Variants in BOP1 observed in about 807,000 individuals in gnomAD.
BOP1 encodes ribosome biogenesis protein BOP1.
A neutral mutation model predicts 82.9 loss-of-function variants in BOP1; 54 were observed. The ratio of observed to expected loss-of-function variants is 0.65; its 90% CI spans 0.52 to 0.82. BOP1 has a LOEUF of 0.82. Ranked by LOEUF, BOP1 falls within the 40% of genes least tolerant of loss-of-function variation. The probability of loss-of-function intolerance (pLI) is 0.00; values close to 1 mark genes in which losing one functional copy is unlikely to be tolerated. For missense variants in BOP1, 1,170 were observed against 1,072.0 expected, an observed-to-expected ratio of 1.09 and a Z score of -1.28; for synonymous variants, 566 against 451.1, an observed-to-expected ratio of 1.25 and a Z score of -3.23.
chr8:144,270,565 C>G (rs1244869819), intron 3 of BOP1, among the ~76,000 whole-genome samples: 1 of 152,100 alleles, frequency 6.6e-6, no homozygotes, highest in African/African-American at 2.4e-5. Flanking sequence ...GCCGAGGGCC[C>G]GGCCCGCCAG....
chr8:144,276,093 C>A (rs1845564026), intron 3 of BOP1, 131 bp downstream of exon 3: 1 of 1,084,228 alleles, frequency 9.2e-7, no homozygotes, highest in Non-Finnish European at 1.4e-6. Context: ...TGGGCCTCGG[C>A]TCCAACAGTG....
chr8:144,273,351 C>T lies in BOP1; in HGVS notation c.390+2873G>A, dbSNP rs532078032. Among the ~76,000 whole-genome samples the T allele has an allele frequency of 6.2e-4, 89 of 142,912 alleles. 1 individual carries two copies. The highest frequency in any genetic ancestry group is 2.1e-3 in the African/African-American group (79 of 38,322). 93.8% of individuals were successfully genotyped at this position (142,912 alleles called of 152,430 possible). A position where few individuals can be genotyped will look rare whatever the true frequency, so the allele number is the denominator to read the frequency against. On this transcript the variant is annotated intron_variant, in intron 3 of 15. Transcript: ENST00000569669. ...ACAGCCCAGGCAGGGTCAGGGGCACCGAGGAGCTGCCAGGCTGCACCCCAG... is the reference window on the plus strand; with the variant it reads ...ACAGCCCAGGCAGGGTCAGGGGCACTGAGGAGCTGCCAGGCTGCACCCCAG...
chr8:144,281,655 C>T (rs967717099), intron 2 of BOP1: 1 of 152,264 alleles, frequency 6.6e-6, no homozygotes, highest in Non-Finnish European at 1.5e-5. Flanking sequence ...TAGGCCTTCT[C>T]TTACTAGTGC....
At chr8:144,273,853 C>T (rs1216341819) in intron 3 of BOP1, among the ~76,000 whole-genome samples, 4 of 151,882 alleles carry the variant, frequency 2.6e-5, no homozygotes, top group East Asian at 1.9e-4. Context: ...CCAGGGGCTC[C>T]GCCCGCCTCC....
At position 144,262,857 on chromosome 8, in the gene BOP1, A is replaced by C; in HGVS notation, c.1890T>G (p.Pro630=). 8.1e-7 allele frequency: 1 copy of C among 1,235,066 alleles called. No individual in the cohort carries two copies. The allele number at this position is 1,235,066 out of a possible 1,614,324, so 76.5% of individuals were successfully genotyped here. The change falls in exon 13 of 16, where the codon CCT becomes CCG. Residue 630 remains proline, a synonymous_variant. Transcript: ENST00000569669. ...TGCACCGCCCCCACCCCTCACCTGC[A>C]GGGTGCACCGCCAGGCTGGACACCC... The part of the protein sequence containing the change: ...CKWVSSLAVH[P]AGDNVICGSY...
intron 2 of BOP1, 97 bp downstream of exon 2, chr8:144,288,998 A>G: frequency 1.5e-6 from 2 of 1,360,232 alleles, no homozygotes; most frequent in Non-Finnish European, 2.1e-6. Flanking sequence ...TGGGGTTCTG[A>G]GGGACGGTGG....
rs1192483235 is a variant in BOP1 at position 144,263,772 on chromosome 8, G to A, written c.1222-11C>T. On this transcript the variant is annotated splice_polypyrimidine_tract_variant and intron_variant, in intron 9 of 15. Coordinates refer to ENST00000569669, the MANE Select transcript of BOP1 (RefSeq NM_015201.5). Reference sequence around the variant, plus strand: ...GTGGCCCCTGTAGACCTGAGGAGGCGGCGGCAGTGAGGAGTCAGACTGGGA... The same window carrying A: ...GTGGCCCCTGTAGACCTGAGGAGGCAGCGGCAGTGAGGAGTCAGACTGGGA... 15 of 1,594,364 alleles carry A rather than the reference G, an allele frequency of 9.4e-6. No homozygotes were observed. Among genetic ancestry groups the A allele is most frequent in the Admixed American group, 5.3e-5 (3 of 56,726 alleles).
intron 10 of BOP1, 40 bp downstream of exon 10, chr8:144,263,652 C>CCTGCCCCCCAGCTCAAGG: frequency 3.7e-6 from 6 of 1,603,206 alleles, no homozygotes; most frequent in Non-Finnish European, 5.1e-6. Flanking sequence ...GGCCATCCCA[C>CCTGCCCCCCAGCTCAAGG]CTGCCCCCCA....
Position 144,263,772 on chromosome 8 carries a change from G to GGCA in BOP1, c.1222-12_1222-11insTGC. 1 of 1,594,484 alleles carries GGCA rather than the reference G, an allele frequency of 6.3e-7. No homozygotes were observed. The highest frequency in any genetic ancestry group is 1.3e-5 in the African/African-American group (1 of 74,674). On this transcript the variant is annotated splice_polypyrimidine_tract_variant and intron_variant, in intron 9 of 15. Coordinates refer to ENST00000569669, the MANE Select transcript of BOP1 (RefSeq NM_015201.5). ...GTGGCCCCTGTAGACCTGAGGAGGC[G>GGCA]GCGGCAGTGAGGAGTCAGACTGGGA...
chr8:144,291,410 C>A lies in BOP1; in HGVS notation c.-40G>T, dbSNP rs1354171383. ...CGGCCGCCACCCGCACAGCCGCTTCCGACAGCGACCGGGCCGCGTGCGCAG... is the reference window on the plus strand; with the variant it reads ...CGGCCGCCACCCGCACAGCCGCTTCAGACAGCGACCGGGCCGCGTGCGCAG... On this transcript the variant is annotated 5_prime_UTR_variant, in exon 1 of 16. Transcript: ENST00000569669. This position sits in a 1 kb window ranked among gnomAD's most constrained non-coding sequence, Gnocchi z 4.1. The A allele has an allele frequency of 1.8e-6, 2 of 1,115,502 alleles. No individual in the cohort carries two copies. The highest frequency in any genetic ancestry group is 1.7e-5 in the African/African-American group (1 of 60,110). The allele number at this position is 1,115,502 out of a possible 1,614,324, so 69.1% of individuals were successfully genotyped here. A position where few individuals can be genotyped will look rare whatever the true frequency, so the allele number is the denominator to read the frequency against.
At chr8:144,266,859 G>C in intron 3 of BOP1, 3 of 1,420,616 alleles carry the variant, frequency 2.1e-6, no homozygotes, top group Non-Finnish European at 2.8e-6. Context: ...CGGCGAACGC[G>C]CGCGAGCGAG....
rs1845279409 is a variant in BOP1, at chr8:144,263,413, G to A, written c.1425-12C>T. On this transcript the variant is annotated splice_polypyrimidine_tract_variant and intron_variant, in intron 11 of 15. Coordinates refer to ENST00000569669, the MANE Select transcript of BOP1 (RefSeq NM_015201.5). The stretch of plus-strand genomic sequence containing the variant: ...GCACCGAGTCCTCCCTGTGAGCCAG[G>A]CCCAGACACGGCCCCTAAGCACAGT... The A allele has an allele frequency of 1.9e-6, 3 of 1,597,770 alleles. No homozygotes were observed. The highest frequency in any genetic ancestry group is 4.5e-5 in the East Asian group (2 of 44,878).
At chr8:144,285,366 C>T (rs187776122) in intron 2 of BOP1, among the ~76,000 whole-genome samples, 40 of 152,112 alleles carry the variant, frequency 2.6e-4, no homozygotes, top group African/African-American at 8.0e-4. Context: ...TTCAGATGCA[C>T]GAGGCAGAGG....
chr8:144,267,993 G>A (rs1018470114), intron 3 of BOP1: 1 of 1,486,088 alleles, frequency 6.7e-7, no homozygotes, highest in Non-Finnish European at 9.2e-7. Flanking sequence ...GAGCCGGGAA[G>A]GAGGTGCCTT....
intron 2 of BOP1, among the ~76,000 whole-genome samples, chr8:144,286,077 G>T (rs1307646977): frequency 6.6e-6 from 1 of 152,222 alleles, no homozygotes; most frequent in Non-Finnish European, 1.5e-5. Flanking sequence ...CACCATTCAA[G>T]AGGGGCGCGG....
At chr8:144,281,110 C>CTT (rs1845669795) in intron 2 of BOP1, among the ~76,000 whole-genome samples, 1 of 148,584 alleles carries the variant, frequency 6.7e-6, no homozygotes, top group Non-Finnish European at 1.5e-5. Context: ...GGTCTTCGGC[C>CTT]TTCTCTCAGT....
chr8:144,289,345 G>A (rs782503389), intron 1 of BOP1, 41 bp from the exon 2 acceptor site: 12 of 1,592,476 alleles, frequency 7.5e-6, no homozygotes, highest in Non-Finnish European at 9.4e-6. Flanking sequence ...GCCCCTCCAG[G>A]CATGGGGCAC....
chr8:144,282,153 G>A (rs1421602301), intron 2 of BOP1, among the ~76,000 whole-genome samples: 19 of 152,360 alleles, frequency 1.2e-4, no homozygotes, highest in African/African-American at 4.6e-4. Context: ...GCTGGAGAGG[G>A]GACAGGAAGC....
chr8:144,264,720 G>A lies in BOP1; in HGVS notation c.657C>T (p.Pro219=). The part of the protein sequence containing the change: ...SGQFGDVGFN[P]YEPAVDFFSG... Reference sequence around the variant, plus strand: ...GCCAGCCCCTGCCACCTACCTCATAGGGGTTGAAGCCCACATCCCCAAACT... The same window carrying A: ...GCCAGCCCCTGCCACCTACCTCATAAGGGTTGAAGCCCACATCCCCAAACT... Residue 219 remains proline, a synonymous_variant, in exon 5 of 16, where the codon CCC becomes CCT. Transcript: ENST00000569669. The A allele has an allele frequency of 6.3e-7, 1 of 1,575,434 alleles. No homozygotes were observed. The highest frequency in any genetic ancestry group is 8.6e-7 in the Non-Finnish European group (1 of 1,161,186).
Sources: gnomAD v4.1 joint callset for allele counts (sites outside exome capture counted in the v4.1 genomes callset) on GRCh38, gnomAD v4.1.1 for gene constraint, Gnocchi (gnomAD v3.1) non-coding constraint, MANE v1.5 for transcripts, NCBI Gene and HGNC (gene_info 2026-07-23, HGNC 2026-07-21) for gene names.